Variants in TMPRSS9 observed in about 807,000 individuals in gnomAD.
The protein encoded by TMPRSS9 is transmembrane protease serine 9.
TMPRSS9 carries 113 observed loss-of-function variants against 111.4 expected under a neutral mutation model. The ratio of observed to expected loss-of-function variants is 1.01; its 90% CI spans 0.87 to 1.19. The LOEUF (loss-of-function observed/expected upper bound fraction) is 1.19, where lower values mean the gene tolerates loss of function less well. Ranked by LOEUF, TMPRSS9 falls within the 50% of genes most tolerant of loss-of-function variation. TMPRSS9 has a pLI of 0.00. For missense variants in TMPRSS9, 1,803 were observed against 1,513.1 expected (o/e 1.19, Z -3.18); for synonymous variants, 805 against 659.1 (o/e 1.22, Z -3.39).
At chr19:2,411,253 T>G (rs1265318987) in intron 9 of TMPRSS9, among the ~76,000 whole-genome samples, 1 of 109,826 alleles carries the variant, frequency 9.1e-6, no homozygotes, top group East Asian at 3.3e-4. Flanking sequence ...TGAGCTGAGA[T>G]CACGCCATTG....
At chr19:2,425,599 G>C (rs1971602906) in intron 17 of TMPRSS9, 106 bp downstream of exon 18, 9 of 1,381,624 alleles carry the variant, frequency 6.5e-6, no homozygotes, top group Non-Finnish European at 7.5e-6. Flanking sequence ...TCCGGTGCAG[G>C]CTTCTCCAGC....
At chr19:2,396,397 G>T (rs78532853) in intron 1 of TMPRSS9, 142 bp from the exon 3 acceptor site, 1 of 962,498 alleles carries the variant, frequency 1.0e-6, no homozygotes, top group South Asian at 2.2e-5. Context: ...GGGCTATCAC[G>T]GGGGCGTCGA....
At chr19:2,420,250 C>A (rs912684928) in intron 13 of TMPRSS9, among the ~76,000 whole-genome samples, 1 of 152,046 alleles carries the variant, frequency 6.6e-6, no homozygotes, top group South Asian at 2.1e-4. Context: ...ACTGGCCTGG[C>A]CAACATGGCG....
chr19:2,408,908 G>C (rs1971030684), intron 8 of TMPRSS9, among the ~76,000 whole-genome samples: 1 of 150,892 alleles, frequency 6.6e-6, no homozygotes. Context: ...AGAATTGCTT[G>C]AACCCAGGAG....
chr19:2,417,080 T>G (rs1971257744), intron 12 of TMPRSS9, among the ~76,000 whole-genome samples: 2 of 152,224 alleles, frequency 1.3e-5, no homozygotes, highest in African/African-American at 4.8e-5. Flanking sequence ...TGTCTATGGC[T>G]GCTTTCCTGC....
At chr19:2,390,494 C>T (rs1461800949) in intron 1 of TMPRSS9, among the ~76,000 whole-genome samples, 1 of 149,690 alleles carries the variant, frequency 6.7e-6, no homozygotes, top group Non-Finnish European at 1.5e-5. Flanking sequence ...CCGCCCGCCT[C>T]AGCCTCCCAA....
chr19:2,426,255 C>CA, downstream of TMPRSS9: 1 of 353,572 alleles, frequency 2.8e-6, no homozygotes, highest in South Asian at 4.5e-5. Flanking sequence ...ACAGCCCCTC[C>CA]ACCCTAGCTC....
intron 4 of TMPRSS9, among the ~76,000 whole-genome samples, chr19:2,401,735 G>T (rs796940731): frequency 6.6e-6 from 1 of 151,480 alleles, no homozygotes; most frequent in Non-Finnish European, 1.5e-5. Context: ...AGCCTCCCGA[G>T]TAGCTGGGAT....
At chr19:2,401,012 C>A (rs62120708) in intron 4 of TMPRSS9, among the ~76,000 whole-genome samples, 2 of 148,976 alleles carry the variant, frequency 1.3e-5, no homozygotes, top group African/African-American at 5.0e-5. Context: ...CGGTGGCTTA[C>A]GCCTGTAATC....
At chr19:2,426,113 G>T in exon 18 of TMPRSS9, 2 of 1,519,264 alleles carry the variant, frequency 1.3e-6, no homozygotes, top group African/African-American at 1.7e-5. Context: ...CCCAGGCCGA[G>T]ACTCTACGTG....
chr19:2,425,357 G>GCT lies in TMPRSS9; in HGVS notation c.2986_2987dup (p.Met997ProfsTer63), dbSNP rs1971592281. ...CCCCGTCTCGCTCGCCCGCCCGCAG[G>GCT]CTCCATGGCGCGGCAGCTGCAGAAG... On this transcript the variant is annotated frameshift_variant and splice_region_variant, in exon 17 of 18. Transcript: ENST00000648592. LOFTEE classifies it high-confidence loss of function. 6.7e-7 allele frequency: 1 copy of GCT among 1,501,032 alleles called. No homozygotes were observed. The highest frequency in any genetic ancestry group is 1.2e-5 in the South Asian group (1 of 80,582). The allele number at this position is 1,501,032 out of a possible 1,614,324, so 93.0% of individuals were successfully genotyped here.
chr19:2,396,419 C>T lies in TMPRSS9; in HGVS notation c.143-120C>T, dbSNP rs1036086008. Reference sequence around the variant, plus strand: ...CACGGGGGCGTCGACCACCCCACTGCGTGTCAGGAGTGACCACCAGGGTGT... The same window carrying T: ...CACGGGGGCGTCGACCACCCCACTGTGTGTCAGGAGTGACCACCAGGGTGT... On this transcript the variant is annotated intron_variant, in intron 1 of 17. Transcript: ENST00000648592. The T allele has an allele frequency of 1.1e-5, 14 of 1,232,996 alleles. No individual in the cohort carries two copies. In the East Asian group the frequency reaches 2.2e-4, roughly 19 times the overall value. The allele number at this position is 1,232,996 out of a possible 1,614,324, so 76.4% of individuals were successfully genotyped here.
At chr19:2,396,352 G>A (rs576607602) in intron 1 of TMPRSS9, 187 bp from the exon 3 acceptor site, 157 of 618,584 alleles carry the variant, frequency 2.5e-4, no homozygotes, top group Non-Finnish European at 3.6e-4. Context: ...GGATGCTTTT[G>A]GGAATTGAGG....
chr19:2,407,474 C>G (rs914687142), intron 7 of TMPRSS9, among the ~76,000 whole-genome samples: 1 of 151,760 alleles, frequency 6.6e-6, no homozygotes, highest in African/African-American at 2.4e-5. Context: ...TTGCAGTGAG[C>G]TGAGATCACG....
intron 6 of TMPRSS9, 131 bp downstream of exon 7, chr19:2,403,326 G>GA (rs1970895384): frequency 1.4e-6 from 1 of 728,348 alleles, no homozygotes; most frequent in African/African-American, 1.8e-5. Context: ...GCTGGGCAGA[G>GA]AAAAGAAAGG....
chr19:2,422,039 G>C (rs141506047), exon 14 of TMPRSS9: 2 of 1,612,606 alleles, frequency 1.2e-6, no homozygotes, highest in South Asian at 1.1e-5. Flanking sequence ...CTCCCCCCTC[G>C]ACCACAAGGA....
intron 6 of TMPRSS9, 120 bp from the exon 8 acceptor site, chr19:2,405,254 C>T: frequency 1.5e-6 from 2 of 1,347,058 alleles, no homozygotes; most frequent in Non-Finnish European, 2.0e-6. Context: ...AAGGAGGGGC[C>T]CCCAAGCATC....
chr19:2,410,375 G>A (rs146340300), exon 9 of TMPRSS9: 18 of 1,613,850 alleles, frequency 1.1e-5, no homozygotes, highest in Non-Finnish European at 1.5e-5. Flanking sequence ...TACCTGGACG[G>A]GAAGGTGGAC....
chr19:2,401,360 T>A (rs1455110562), intron 4 of TMPRSS9, among the ~76,000 whole-genome samples: 1 of 152,172 alleles, frequency 6.6e-6, no homozygotes, highest in Non-Finnish European at 1.5e-5. Flanking sequence ...GAGGTCTTAA[T>A]AACCTCTGCT....
Sources: allele counts gnomAD v4.1 joint callset (sites outside exome capture counted in the v4.1 genomes callset), GRCh38; gene constraint gnomAD v4.1.1; transcripts MANE v1.5; gene names NCBI Gene and HGNC (gene_info 2026-07-23, HGNC 2026-07-21).